B3GALT1: variants seen among roughly 807,000 people sequenced by gnomAD.
B3GALT1 encodes UDP-Gal:betaGlcNAc beta 1,3-galactosyltransferase, polypeptide 1.
Under a neutral mutation model 23.2 loss-of-function variants are expected in B3GALT1, and 10 were observed. The ratio of observed to expected loss-of-function variants is 0.43; its 90% CI spans 0.27 to 0.73. The LOEUF is 0.73. B3GALT1 is among the 30% of genes least tolerant of loss of function. B3GALT1 has a pLI of 0.21. For synonymous variants in B3GALT1, 156 were observed against 141.5 expected (o/e 1.10, Z -0.73); for missense variants, 299 against 405.4 (o/e 0.74, Z 2.25).
chr2:167,736,360 T>C (rs1687491991), intron 3 of B3GALT1, among the ~76,000 whole-genome samples: 1 of 152,214 alleles, frequency 6.6e-6, no homozygotes, highest in African/African-American at 2.4e-5. Context: ...TAATTCAGCA[T>C]GTCTGGGAAG....
chr2:167,568,692 C>T (rs1014732283), intron 2 of B3GALT1, among the ~76,000 whole-genome samples: 2 of 151,938 alleles, frequency 1.3e-5, no homozygotes, highest in Admixed American at 6.6e-5. Context: ...TTCTCATTCT[C>T]TTGACATTGT....
At chr2:167,443,190 T>G (rs538169275) in intron 1 of B3GALT1, among the ~76,000 whole-genome samples, 7 of 151,834 alleles carry the variant, frequency 4.6e-5, no homozygotes, top group African/African-American at 1.7e-4. Context: ...GTTGTAGATA[T>G]GCGGCGTTAT....
In B3GALT1 at chr2:167,443,190, T is replaced by C. The variant is rs538169275; in HGVS notation, c.-510-46987T>C. ...GTCAAAGATCAGATAGTTGTAGATA[T>C]GCGGCGTTATTTCTGAGGGCTCTGT... On this transcript the variant is annotated intron_variant, in intron 1 of 4. Coordinates refer to ENST00000392690, the MANE Select transcript of B3GALT1 (RefSeq NM_020981.4). Among the ~76,000 whole-genome samples the C allele has an allele frequency of 2.6e-5, 4 of 151,834 alleles. No individual in the cohort carries two copies. In the East Asian group the frequency reaches 7.7e-4, roughly 29 times the overall value.
chr2:167,525,546 A>G (rs757763747), intron 2 of B3GALT1, among the ~76,000 whole-genome samples: 5 of 152,040 alleles, frequency 3.3e-5, no homozygotes, highest in Non-Finnish European at 7.4e-5. Context: ...ATATAACTTT[A>G]GGTTGTAATC....
intron 2 of B3GALT1, among the ~76,000 whole-genome samples, chr2:167,590,373 C>T (rs1483760547): frequency 6.9e-6 from 1 of 145,362 alleles, no homozygotes; most frequent in Non-Finnish European, 1.5e-5. Context: ...AAAAGGAAGA[C>T]ATAACATTTA....
intron 1 of B3GALT1, among the ~76,000 whole-genome samples, chr2:167,421,581 G>T (rs1243890916): frequency 1.3e-5 from 2 of 152,130 alleles, no homozygotes; most frequent in Admixed American, 6.6e-5. Context: ...GAAGAAAGGG[G>T]TTAGTATTTC....
rs1045604135 is a variant in B3GALT1 at position 167,868,924 on chromosome 2, G to A, written c.-116G>A. 151 of 1,269,226 alleles carry A rather than the reference G, an allele frequency of 1.2e-4. 1 individual carries two copies. Among genetic ancestry groups the A allele is most frequent in the Admixed American group, 6.9e-5 (3 of 43,270 alleles). The allele number at this position is 1,269,226 out of a possible 1,614,324, so 78.6% of individuals were successfully genotyped here. On this transcript the variant is annotated 5_prime_UTR_variant, in exon 5 of 5. Coordinates refer to ENST00000392690, the MANE Select transcript of B3GALT1 (RefSeq NM_020981.4). ...GGCCCATGGACAATCTCCACCTCAC[G>A]CTTCTCTATCAAACTTGAAGATTTA...
intron 1 of B3GALT1, among the ~76,000 whole-genome samples, chr2:167,352,512 A>T (rs1394361833): frequency 6.7e-6 from 1 of 149,978 alleles, no homozygotes; most frequent in African/African-American, 2.5e-5. Flanking sequence ...ACAAGGTCAG[A>T]TCGAGACCAA....
chr2:167,772,283 A>G (rs1300325330), intron 3 of B3GALT1, among the ~76,000 whole-genome samples: 1 of 152,210 alleles, frequency 6.6e-6, no homozygotes, highest in East Asian at 1.9e-4. Flanking sequence ...TATTTTCCCT[A>G]GTAATAATGC....
At chr2:167,534,015 A>G (rs544314294) in intron 2 of B3GALT1, among the ~76,000 whole-genome samples, 1 of 151,706 alleles carries the variant, frequency 6.6e-6, no homozygotes, top group African/African-American at 2.4e-5. Flanking sequence ...TATGATAATT[A>G]TTCATTTTTG....
At chr2:167,744,682 C>A (rs1687626150) in intron 3 of B3GALT1, among the ~76,000 whole-genome samples, 1 of 152,106 alleles carries the variant, frequency 6.6e-6, no homozygotes, top group African/African-American at 2.4e-5. Flanking sequence ...ACCTCCACCT[C>A]CCGAGTTCAA....
chr2:167,731,385 A>C (rs1258959636), intron 3 of B3GALT1, among the ~76,000 whole-genome samples: 1 of 152,132 alleles, frequency 6.6e-6, no homozygotes, highest in African/African-American at 2.4e-5. Flanking sequence ...CTGCACACTT[A>C]GTTTTAAAAG....
intron 1 of B3GALT1, among the ~76,000 whole-genome samples, chr2:167,333,978 A>G (rs1173304264): frequency 6.6e-6 from 1 of 151,972 alleles, no homozygotes; most frequent in South Asian, 2.1e-4. Context: ...TTTTTGTGTC[A>G]TTATTTTTTT....
chr2:167,767,238 A>G (rs978464378), intron 3 of B3GALT1, among the ~76,000 whole-genome samples: 6 of 152,228 alleles, frequency 3.9e-5, no homozygotes, highest in Non-Finnish European at 5.9e-5. Flanking sequence ...GTCCTCTTCA[A>G]TTGGGGCATC....
At chr2:167,597,528 A>G (rs939356881) in intron 2 of B3GALT1, among the ~76,000 whole-genome samples, 5 of 152,190 alleles carry the variant, frequency 3.3e-5, no homozygotes, top group South Asian at 2.1e-4. Flanking sequence ...AGTGCTGCCA[A>G]CTGACACTCA....
At chr2:167,624,536 T>G (rs994136339) in intron 2 of B3GALT1, among the ~76,000 whole-genome samples, 1 of 152,074 alleles carries the variant, frequency 6.6e-6, no homozygotes, top group African/African-American at 2.4e-5. Context: ...CATGAGCGTT[T>G]TATTTGTGAG....
At chr2:167,428,179 A>G (rs1001914362) in intron 1 of B3GALT1, among the ~76,000 whole-genome samples, 1 of 152,224 alleles carries the variant, frequency 6.6e-6, no homozygotes, top group African/African-American at 2.4e-5. Flanking sequence ...AAGGATAGGC[A>G]AACAAATGGA....
At chr2:167,581,262 G>A (rs1442342423) in intron 2 of B3GALT1, among the ~76,000 whole-genome samples, 1 of 152,162 alleles carries the variant, frequency 6.6e-6, no homozygotes, top group African/African-American at 2.4e-5. Flanking sequence ...AAAGCACTTT[G>A]TAAATAGGCA....
intron 3 of B3GALT1, among the ~76,000 whole-genome samples, chr2:167,666,905 A>G (rs967679800): frequency 1.3e-5 from 2 of 152,066 alleles, no homozygotes; most frequent in African/African-American, 4.8e-5. Flanking sequence ...TCTTTATCCA[A>G]TTTGCCAGTC....
Sources: allele counts gnomAD v4.1 joint callset (sites outside exome capture counted in the v4.1 genomes callset), GRCh38; gene constraint gnomAD v4.1.1; transcripts MANE v1.5; gene names NCBI Gene and HGNC (gene_info 2026-07-23, HGNC 2026-07-21).